The following NFATC3 variants were observed in gnomAD, a reference collection of about 807,000 sequenced individuals.
The protein encoded by NFATC3 is nuclear factor of activated T-cells, cytoplasmic 3.
A neutral mutation model predicts 98.6 loss-of-function variants in NFATC3; 46 were observed. That is an observed-to-expected ratio of 0.47 (90% CI 0.37 to 0.60). The LOEUF is 0.60. NFATC3 is among the 20% of genes least tolerant of loss of function. The pLI is 0.00. For missense variants in NFATC3, 1,256 were observed against 1,295.5 expected (o/e 0.97, Z 0.47); for synonymous variants, 512 against 472.2 (o/e 1.08, Z -1.09).
chr16:68,127,575 C>A (rs918964596), intron 3 of NFATC3, among the ~76,000 whole-genome samples: 1 of 151,824 alleles, frequency 6.6e-6, no homozygotes, highest in Non-Finnish European at 1.5e-5. Flanking sequence ...ATAGTCCCAG[C>A]CATTCCAGAG....
In NFATC3 at chr16:68,226,961, T is replaced by C. The variant is rs1224853643; in HGVS notation, c.*490T>C. 6.3e-5 allele frequency: 3 copies of C among 47,752 alleles called. No individual in the cohort carries two copies. Among genetic ancestry groups the C allele is most frequent in the African/African-American group, 2.6e-4 (3 of 11,378 alleles). 3.0% of individuals were successfully genotyped at this position (47,752 alleles called of 1,614,324 possible). A position where few individuals can be genotyped will look rare whatever the true frequency, so the allele number is the denominator to read the frequency against. On this transcript the variant is annotated 3_prime_UTR_variant, in exon 10 of 10. Transcript: ENST00000346183. ...AAAGAAAAAAAGAAAAAGAAAAAAA[T>C]ATCCCAAGCCCACACCTATGCCTCA... is the stretch of plus-strand genomic sequence containing the variant.
chr16:68,172,746 C>G (rs190117721), intron 5 of NFATC3, among the ~76,000 whole-genome samples: 1 of 152,272 alleles, frequency 6.6e-6, no homozygotes, highest in Non-Finnish European at 1.5e-5. Flanking sequence ...TGCCATTGCA[C>G]TTCATCCTTG....
rs1478734249 is a variant in NFATC3, at chr16:68,122,658, C to T, written c.775C>T (p.Pro259Ser). 1.9e-6 allele frequency: 3 copies of T among 1,614,122 alleles called. No homozygotes were observed. The highest frequency in any genetic ancestry group is 2.5e-6 in the Non-Finnish European group (3 of 1,180,024). The change falls in exon 2 of 10, where the codon CCA becomes TCA. Residue 259 changes from proline (P) to serine (S), a missense_variant. Pro to Ser is a moderately conservative substitution (Grantham distance 74). This residue lies in a region of NFATC3 where 464 missense variants were observed against 465.7 expected (regional missense o/e 1.00). Transcript: ENST00000346183. Reference protein sequence around the residue: ...VTDENWLSPRPASGPSSRPTS... With the variant: ...VTDENWLSPRSASGPSSRPTS... ...TGATGAGAATTGGCTGAGCCCCAGG[C>T]CAGCCTCAGGACCCTCATCAAGGCC... is the stretch of plus-strand genomic sequence containing the variant.
intron 9 of NFATC3, among the ~76,000 whole-genome samples, chr16:68,214,139 T>C (rs997158879): frequency 5.3e-5 from 8 of 152,200 alleles, no homozygotes; most frequent in African/African-American, 1.9e-4. Context: ...TCTTAGTACC[T>C]GAGCTATCTG....
Position 68,122,294 on chromosome 16 carries a change from A to G in NFATC3, c.411A>G (p.Glu137=), listed in dbSNP as rs1188752531. ...ATGACCTACAGATAAATGACCCAGAACGGGAATTTTTGGAAAGGCCTTCTA... is the reference window on the plus strand; with the variant it reads ...ATGACCTACAGATAAATGACCCAGAGCGGGAATTTTTGGAAAGGCCTTCTA... The part of the protein sequence containing the change: ...HEDDLQINDP[E]REFLERPSRD... Residue 137 remains glutamate (E), a synonymous_variant, in exon 2 of 10, where the codon GAA becomes GAG. Coordinates refer to ENST00000346183, the MANE Select transcript of NFATC3 (RefSeq NM_173165.3). 2 of 1,613,974 alleles carry G rather than the reference A, an allele frequency of 1.2e-6. No homozygotes were observed. Among genetic ancestry groups the G allele is most frequent in the African/African-American group, 1.3e-5 (1 of 74,894 alleles).
chr16:68,164,542 C>T (rs2039095967), intron 4 of NFATC3, among the ~76,000 whole-genome samples: 1 of 152,148 alleles, frequency 6.6e-6, no homozygotes, highest in Non-Finnish European at 1.5e-5. Context: ...CTTTGCAGCT[C>T]CTCTGTTTTT....
chr16:68,116,816 T>C (rs558975135), intron 1 of NFATC3, among the ~76,000 whole-genome samples: 144 of 152,286 alleles, frequency 9.5e-4, no homozygotes, highest in Middle Eastern at 6.8e-3. Context: ...TTTTTTTTTT[T>C]TCTCAAAGGG....
At chr16:68,196,944 C>A (rs1161035328) in intron 9 of NFATC3, among the ~76,000 whole-genome samples, 1 of 151,858 alleles carries the variant, frequency 6.6e-6, no homozygotes, top group Non-Finnish European at 1.5e-5. Flanking sequence ...GCAGGAGAGT[C>A]GCTTGAACCT....
At chr16:68,187,233 T>C (rs937688709) in intron 8 of NFATC3, among the ~76,000 whole-genome samples, 2 of 152,132 alleles carry the variant, frequency 1.3e-5, no homozygotes, top group Admixed American at 1.3e-4. Flanking sequence ...CTGGGGAACA[T>C]GGTGGCTCCT....
At chr16:68,104,193 C>G (rs1297834108) in intron 1 of NFATC3, among the ~76,000 whole-genome samples, 2 of 152,068 alleles carry the variant, frequency 1.3e-5, no homozygotes, top group African/African-American at 4.8e-5. Flanking sequence ...TTTAGGTCTT[C>G]TTTAATTTAT....
At chr16:68,133,704 A>G (rs2037236338) in intron 3 of NFATC3, among the ~76,000 whole-genome samples, 3 of 152,084 alleles carry the variant, frequency 2.0e-5, no homozygotes, top group Admixed American at 6.5e-5. Flanking sequence ...ATCTAACATC[A>G]TGTATTCAAC....
intron 9 of NFATC3, among the ~76,000 whole-genome samples, chr16:68,197,893 A>G (rs2040742037): frequency 6.6e-6 from 1 of 152,230 alleles, no homozygotes; most frequent in Non-Finnish European, 1.5e-5. Flanking sequence ...TTTAAGTAAC[A>G]TGGAATCTCT....
At chr16:68,115,725 G>C (rs534765456) in intron 1 of NFATC3, among the ~76,000 whole-genome samples, 1 of 151,922 alleles carries the variant, frequency 6.6e-6, no homozygotes, top group Admixed American at 6.5e-5. Context: ...ATACCTGGCC[G>C]ATTGTTTTTT....
chr16:68,101,457 T>C (rs1407764971), intron 1 of NFATC3, among the ~76,000 whole-genome samples: 1 of 151,870 alleles, frequency 6.6e-6, no homozygotes, highest in Non-Finnish European at 1.5e-5. Context: ...AGGTTTTCTT[T>C]TGGAAGTTTT....
intron 3 of NFATC3, among the ~76,000 whole-genome samples, chr16:68,153,364 G>T (rs1567523093): frequency 6.6e-6 from 1 of 152,180 alleles, no homozygotes; most frequent in Non-Finnish European, 1.5e-5. Flanking sequence ...AGAGGTTGCA[G>T]TGAGCCAGGA....
intron 1 of NFATC3, among the ~76,000 whole-genome samples, chr16:68,099,970 G>A (rs1488158221): frequency 6.6e-6 from 1 of 152,032 alleles, no homozygotes; most frequent in Non-Finnish European, 1.5e-5. Flanking sequence ...CACCGTGCCA[G>A]GCCCTATGTG....
intron 3 of NFATC3, among the ~76,000 whole-genome samples, chr16:68,139,215 T>A (rs1249197464): frequency 6.6e-6 from 1 of 152,216 alleles, no homozygotes; most frequent in Non-Finnish European, 1.5e-5. Context: ...GAACTTTACC[T>A]TGGGATTTTT....
At chr16:68,211,510 T>TTTG (rs200230482) in intron 9 of NFATC3, among the ~76,000 whole-genome samples, 7,952 of 145,022 alleles carry the variant, frequency 0.055, 269 homozygotes, top group Non-Finnish European at 0.083. Context: ...GTAAATGTTT[T>TTTG]TTGTTGTTGT....
At chr16:68,110,928 G>A (rs530817156) in intron 1 of NFATC3, among the ~76,000 whole-genome samples, 1 of 152,240 alleles carries the variant, frequency 6.6e-6, no homozygotes, top group East Asian at 1.9e-4. Context: ...AGTCATTCAG[G>A]GGCAGGTTGT....
Sources: allele counts gnomAD v4.1 joint callset (sites outside exome capture counted in the v4.1 genomes callset), GRCh38; gene constraint gnomAD v4.1.1; regional missense constraint gnomAD v4.1.1; transcripts MANE v1.5; gene names NCBI Gene and HGNC (gene_info 2026-07-23, HGNC 2026-07-21).